Variants in MAP2K2 observed in about 807,000 individuals in gnomAD.
MAP2K2 encodes the protein dual specificity mitogen-activated protein kinase kinase 2.
A neutral mutation model predicts 43.7 loss-of-function variants in MAP2K2; 24 were observed. The ratio of observed to expected loss-of-function variants is 0.55; its 90% CI spans 0.40 to 0.77. MAP2K2 has a LOEUF of 0.77. Ranked by LOEUF, MAP2K2 falls within the 30% of genes least tolerant of loss-of-function variation. The pLI is 0.00. For missense variants in MAP2K2, 470 were observed against 566.8 expected (o/e 0.83, Z 1.73); for synonymous variants, 244 against 239.7 (o/e 1.02, Z -0.17).
At chr19:4,095,317 C>G in intron 9 of MAP2K2, 71 bp downstream of exon 9, 1 of 1,431,928 alleles carries the variant, frequency 7.0e-7, no homozygotes, top group South Asian at 1.2e-5. Context: ...GCCACGGGCC[C>G]CACCCAGGAC....
rs140955328 is a variant in MAP2K2 at position 4,109,782 on chromosome 19, G to T, written c.450+727C>A. ...TGAGCCACCGTGCCCGGCCTAATAG[G>T]GATCAGTTTTTAATTGCATCTACCC... On this transcript the variant is annotated intron_variant, in intron 3 of 10. Coordinates refer to ENST00000262948, the MANE Select transcript of MAP2K2 (RefSeq NM_030662.4). Among the ~76,000 whole-genome samples, 777 of 152,076 alleles carry T rather than the reference G, an allele frequency of 5.1e-3. 5 individuals are homozygous for T. Among genetic ancestry groups the T allele is most frequent in the African/African-American group, 0.018 (740 of 41,474 alleles).
intron 7 of MAP2K2, among the ~76,000 whole-genome samples, chr19:4,097,678 G>A (rs532685928): frequency 2.0e-4 from 30 of 152,304 alleles, no homozygotes; most frequent in African/African-American, 5.3e-4. Context: ...GGGGAGGGAC[G>A]GTGCTGACCG....
intron 3 of MAP2K2, chr19:4,102,715 C>G: frequency 8.1e-7 from 1 of 1,238,600 alleles, no homozygotes; most frequent in South Asian, 1.5e-5. Context: ...TTGCGTGACT[C>G]GGCCCTCCTG....
intron 10 of MAP2K2, among the ~76,000 whole-genome samples, chr19:4,093,687 C>T (rs1056426025): frequency 8.6e-5 from 13 of 151,864 alleles, no homozygotes; most frequent in African/African-American, 3.1e-4. Flanking sequence ...AGACTCTGTC[C>T]GACTCTCAAG....
At chr19:4,102,253 CTCTT>C in intron 4 of MAP2K2, 119 bp downstream of exon 4, 4 of 848,072 alleles carry the variant, frequency 4.7e-6, no homozygotes, top group Non-Finnish European at 7.7e-6. Flanking sequence ...CTTGGCCACT[CTCTT>C]TCTGCAGGGG....
intron 2 of MAP2K2, among the ~76,000 whole-genome samples, chr19:4,116,981 T>C (rs1053867174): frequency 6.6e-6 from 1 of 152,138 alleles, no homozygotes; most frequent in African/African-American, 2.4e-5. Flanking sequence ...AGCAAAAACA[T>C]GGCCTGATCA....
At chr19:4,096,606 C>G (rs1219635656) in intron 8 of MAP2K2, among the ~76,000 whole-genome samples, 1 of 152,204 alleles carries the variant, frequency 6.6e-6, no homozygotes, top group Non-Finnish European at 1.5e-5. Flanking sequence ...GGAGCAGGAG[C>G]CACCCCGGGA....
intron 1 of MAP2K2, among the ~76,000 whole-genome samples, chr19:4,120,964 G>A (rs754194361): frequency 6.6e-6 from 1 of 152,068 alleles, no homozygotes; most frequent in African/African-American, 2.4e-5. Context: ...CCCCCAAGCG[G>A]GAGAGGCCAC....
chr19:4,123,790 G>A lies in MAP2K2; in HGVS notation c.86C>T (p.Ala29Val). The A allele has an allele frequency of 6.4e-7, 1 of 1,558,084 alleles. No homozygotes were observed. The highest frequency in any genetic ancestry group is 1.9e-5 in the Admixed American group (1 of 53,090). Residue 29 changes from alanine (A) to valine (V), a missense_variant, in exon 1 of 11, where the codon GCC becomes GTC. By Grantham distance (64) the Ala-to-Val change is moderately conservative. Transcript: ENST00000262948. ...CTGACCCCTGCCCACTCACTCGGAG[G>A]CGCCCTCGCTGGTAGGGGATGGGCC... ...AEGPSPTSEGASEANLVDLQK... is the reference protein window; with the variant it reads ...AEGPSPTSEGVSEANLVDLQK...
In MAP2K2 at chr19:4,123,600, C is replaced by T. The variant is rs541496496; in HGVS notation, c.92+184G>A. On this transcript the variant is annotated intron_variant, in intron 1 of 10. Coordinates refer to ENST00000262948, the MANE Select transcript of MAP2K2 (RefSeq NM_030662.4). ...GAGGGCCCCCTGCCCCGTCCTCCCC[C>T]GAGGGTCCCCTGCCCTGTCCTCCCC... Among the ~76,000 whole-genome samples, 41 of 103,436 alleles carry T rather than the reference C, an allele frequency of 4.0e-4. 1 individual carries two copies. The South Asian group carries it at 0.012, about 29-fold the overall frequency. The allele number at this position is 103,436 out of a possible 152,430, so 67.9% of individuals were successfully genotyped here. A position where few individuals can be genotyped will look rare whatever the true frequency, so the allele number is the denominator to read the frequency against.
intron 1 of MAP2K2, among the ~76,000 whole-genome samples, chr19:4,122,230 C>T: frequency 1.4e-5 from 1 of 72,006 alleles, no homozygotes; most frequent in South Asian, 6.1e-4. Context: ...CCTCCCACCC[C>T]ATCTCTCCCC....
At chr19:4,106,501 C>T (rs1402791811) in intron 3 of MAP2K2, among the ~76,000 whole-genome samples, 2 of 152,116 alleles carry the variant, frequency 1.3e-5, no homozygotes, top group South Asian at 2.1e-4. Context: ...CTCCGCCTCC[C>T]GGGTGCATGT....
Position 4,090,717 on chromosome 19 carries a change from A to G in MAP2K2, c.1093-9T>C. On this transcript the variant is annotated splice_polypyrimidine_tract_variant and intron_variant, in intron 10 of 10. Coordinates refer to ENST00000262948, the MANE Select transcript of MAP2K2 (RefSeq NM_030662.4). ...TTGATGAAGGTGTGGTTCTGCAAGG[A>G]AAGGGGAGCCGTGAGCACCCGGGCC... 1.9e-6 allele frequency: 3 copies of G among 1,548,072 alleles called. No individual in the cohort carries two copies. The highest frequency in any genetic ancestry group is 2.4e-5 in the South Asian group (2 of 84,160).
chr19:4,108,293 T>G (rs2041112505), intron 3 of MAP2K2, among the ~76,000 whole-genome samples: 1 of 152,044 alleles, frequency 6.6e-6, no homozygotes, highest in African/African-American at 2.4e-5. Flanking sequence ...CAGGCTGGAG[T>G]GCAGTGGCAC....
chr19:4,112,479 C>T (rs902392529), intron 2 of MAP2K2, among the ~76,000 whole-genome samples: 4 of 152,326 alleles, frequency 2.6e-5, no homozygotes, highest in South Asian at 2.1e-4. Context: ...TCGCTGTGTT[C>T]AGGGCAGCAG....
chr19:4,105,039 G>T (rs574741716), intron 3 of MAP2K2, among the ~76,000 whole-genome samples: 23 of 152,270 alleles, frequency 1.5e-4, no homozygotes, highest in African/African-American at 5.5e-4. Context: ...AAAGACCAAA[G>T]TCTGGCAGGG....
At position 4,101,037 on chromosome 19, in the gene MAP2K2, G is replaced by A; in HGVS notation, c.687C>T (p.Gly229=). 6.4e-7 allele frequency: 1 copy of A among 1,567,160 alleles called. No individual in the cohort carries two copies. Among genetic ancestry groups the A allele is most frequent in the African/African-American group, 1.4e-5 (1 of 73,684 alleles). The part of the protein sequence containing the change: ...LIDSMANSFV[G]TRSYMAPERL... ...GACTCACAGCCATGTAGGAGCGCGT[G>A]CCCACGAAGGAGTTGGCCATGGAGT... The change falls in exon 6 of 11, where the codon GGC becomes GGT. Residue 229 remains glycine (G), a synonymous_variant. Transcript: ENST00000262948. The surrounding 1 kb of genome is among the most constrained non-coding windows in gnomAD (Gnocchi z 6.3).
intron 3 of MAP2K2, among the ~76,000 whole-genome samples, chr19:4,105,396 G>C (rs1303457701): frequency 6.6e-6 from 1 of 151,764 alleles, no homozygotes; most frequent in African/African-American, 2.4e-5. Context: ...AGCCTCCTGA[G>C]TAGCTGGGAC....
chr19:4,101,317 C>T lies in MAP2K2; in HGVS notation c.529-37G>A, dbSNP rs1259606305. The T allele has an allele frequency of 3.8e-6, 6 of 1,561,518 alleles. No homozygotes were observed. The South Asian group carries it at 4.7e-5, about 12-fold the overall frequency. On this transcript the variant is annotated intron_variant, in intron 4 of 10. Transcript: ENST00000262948. The surrounding 1 kb of genome is among the most constrained non-coding windows in gnomAD (Gnocchi z 6.3). The stretch of plus-strand genomic sequence containing the variant: ...CGCGGAGGGAGTCACGGGACAAGGC[C>T]ACCAGGGCTTAGCTCCTGACCGAGC...
Sources: gnomAD v4.1 joint callset for allele counts (sites outside exome capture counted in the v4.1 genomes callset) on GRCh38, gnomAD v4.1.1 for gene constraint, Gnocchi (gnomAD v3.1) non-coding constraint, MANE v1.5 for transcripts, NCBI Gene and HGNC (gene_info 2026-07-23, HGNC 2026-07-21) for gene names.